The following OR51B5 variants were observed in gnomAD, a reference collection of about 807,000 sequenced individuals.
The protein encoded by OR51B5 is olfactory receptor family 51 subfamily B member 5.
For missense variants in OR51B5, 456 were observed against 374.6 expected (o/e 1.22, Z -1.79); for synonymous variants, 186 against 144.8 (o/e 1.28, Z -2.04).
intron 1 of OR51B5, among the ~76,000 whole-genome samples, chr11:5,417,966 T>C (rs1386234949): frequency 1.3e-5 from 2 of 148,228 alleles, no homozygotes; most frequent in Admixed American, 6.9e-5. Flanking sequence ...TGCACACGTA[T>C]GTTTATTGCG....
chr11:5,370,197 TATTATC>T (rs1390470452), intron 1 of OR51B5, among the ~76,000 whole-genome samples: 16 of 152,222 alleles, frequency 1.1e-4, no homozygotes, highest in Admixed American at 2.0e-4. Flanking sequence ...ATGTATTTAT[TATTATC>T]ATTAACAGTC....
At chr11:5,414,621 G>T (rs900117365) in intron 1 of OR51B5, among the ~76,000 whole-genome samples, 2 of 151,436 alleles carry the variant, frequency 1.3e-5, no homozygotes, top group East Asian at 1.9e-4. Flanking sequence ...AAAAAAGGCA[G>T]GGGTTGCAAT....
intron 1 of OR51B5, among the ~76,000 whole-genome samples, chr11:5,503,263 A>C (rs1416546872): frequency 6.6e-6 from 1 of 152,226 alleles, no homozygotes; most frequent in Non-Finnish European, 1.5e-5. Context: ...CAAAGATCTG[A>C]AGTAATAACA....
rs180678634 is a variant in OR51B5, at chr11:5,402,213, C to T, written n.85-55303G>A. ...TTTTTTTAGTAGAGACAGAGTTTCG[C>T]CATGTTGCCTAAGCTGGTCTCAAAT... On this transcript the variant is annotated intron_variant and non_coding_transcript_variant, in intron 1 of 4. Coordinates refer to the OR51B5 transcript ENST00000415970. Among the ~76,000 whole-genome samples, 364 of 152,126 alleles carry T rather than the reference C, an allele frequency of 2.4e-3. 1 individual carries two copies. The highest frequency in any genetic ancestry group is 8.3e-3 in the African/African-American group (346 of 41,500).
intron 1 of OR51B5, among the ~76,000 whole-genome samples, chr11:5,504,630 C>A (rs776087788): frequency 3.9e-5 from 6 of 152,050 alleles, no homozygotes; most frequent in Admixed American, 6.5e-5. Flanking sequence ...TTCCCAAGCA[C>A]AAGCTTTGGT....
At chr11:5,361,165 C>A (rs2133697761) in intron 1 of OR51B5, among the ~76,000 whole-genome samples, 1 of 149,022 alleles carries the variant, frequency 6.7e-6, no homozygotes, top group South Asian at 2.1e-4. Flanking sequence ...AGAAAGAAAT[C>A]TGCTGCAAAA....
chr11:5,462,411 A>T (rs1851070750), intron 1 of OR51B5, among the ~76,000 whole-genome samples: 1 of 152,182 alleles, frequency 6.6e-6, no homozygotes, highest in African/African-American at 2.4e-5. Context: ...AGAAGAGTGT[A>T]TGTCCCTAGG....
chr11:5,429,511 A>G (rs1850503803), intron 1 of OR51B5, among the ~76,000 whole-genome samples: 2 of 152,190 alleles, frequency 1.3e-5, no homozygotes, highest in Non-Finnish European at 2.9e-5. Context: ...CTAATCACTG[A>G]TCAATCAGCA....
intron 1 of OR51B5, among the ~76,000 whole-genome samples, chr11:5,479,467 C>A (rs989204021): frequency 0.018 from 2,651 of 150,380 alleles, 78 homozygotes; most frequent in African/African-American, 0.059. Flanking sequence ...CGAGCAAAAT[C>A]ACCAGCTAAC....
At chr11:5,501,852 G>A (rs1283313134) in intron 1 of OR51B5, among the ~76,000 whole-genome samples, 2 of 147,428 alleles carry the variant, frequency 1.4e-5, no homozygotes, top group Non-Finnish European at 3.0e-5. Context: ...GTTCCATGTT[G>A]GTTTGCTGCA....
chr11:5,407,978 C>T lies in OR51B5; in HGVS notation n.85-61068G>A, dbSNP rs537927861. Among the ~76,000 whole-genome samples, 4 of 152,128 alleles carry T rather than the reference C, an allele frequency of 2.6e-5. No homozygotes were observed. The South Asian group carries it at 6.2e-4, about 24-fold the overall frequency. ...AGAGAATATATTTTGAAAATATTCACTTTCAGTCTATATTTCAATAATTCT... is the reference window on the plus strand; with the variant it reads ...AGAGAATATATTTTGAAAATATTCATTTTCAGTCTATATTTCAATAATTCT... On this transcript the variant is annotated intron_variant and non_coding_transcript_variant, in intron 1 of 4. Coordinates refer to the OR51B5 transcript ENST00000415970.
chr11:5,340,673 C>T (rs1848879895), downstream of OR51B5: 1 of 152,090 alleles, frequency 6.6e-6, no homozygotes, highest in Admixed American at 6.6e-5. Flanking sequence ...GTAGAAGCCA[C>T]TAAGGATAGT....
intron 1 of OR51B5, among the ~76,000 whole-genome samples, chr11:5,452,294 G>C (rs539816433): frequency 7.8e-4 from 118 of 152,098 alleles, no homozygotes; most frequent in African/African-American, 2.8e-3. Flanking sequence ...CACGAGGTCA[G>C]GAGATCGAGA....
At chr11:5,381,130 C>G (rs1182788825) in intron 1 of OR51B5, among the ~76,000 whole-genome samples, 2 of 139,002 alleles carry the variant, frequency 1.4e-5, no homozygotes, top group Non-Finnish European at 3.1e-5. Context: ...CCCCACCCCA[C>G]CTCTCTCTCT....
chr11:5,489,241 C>G, intron 1 of OR51B5: 1 of 1,614,060 alleles, frequency 6.2e-7, no homozygotes, highest in South Asian at 1.1e-5. Context: ...TGTCATGACA[C>G]ACACATACTG....
chr11:5,350,164 T>A (rs188031719), intron 1 of OR51B5, among the ~76,000 whole-genome samples: 100 of 152,298 alleles, frequency 6.6e-4, no homozygotes, highest in African/African-American at 2.3e-3. Flanking sequence ...CATTTCCCCT[T>A]ACTTTGTGTC....
intron 1 of OR51B5, among the ~76,000 whole-genome samples, chr11:5,361,036 T>C (rs1849276550): frequency 6.6e-6 from 1 of 151,920 alleles, no homozygotes; most frequent in Non-Finnish European, 1.5e-5. Context: ...ATATACCTAA[T>C]GCTAAGTGAC....
chr11:5,351,645 C>T, intron 1 of OR51B5: 2 of 1,614,142 alleles, frequency 1.2e-6, no homozygotes, highest in Non-Finnish European at 1.7e-6. Flanking sequence ...TTCTCTTTCT[C>T]ATCAGGAATG....
chr11:5,366,414 C>G (rs1849368473), intron 1 of OR51B5, among the ~76,000 whole-genome samples: 1 of 152,096 alleles, frequency 6.6e-6, no homozygotes, highest in Non-Finnish European at 1.5e-5. Context: ...CGAGACCAGC[C>G]TGACCAACAT....
Sources: allele counts gnomAD v4.1 joint callset (sites outside exome capture counted in the v4.1 genomes callset), GRCh38; gene constraint gnomAD v4.1.1; transcripts MANE v1.5; gene names NCBI Gene and HGNC (gene_info 2026-07-23, HGNC 2026-07-21).